The following FAM222B variants were observed in gnomAD, a reference collection of about 807,000 sequenced individuals.
FAM222B encodes family with sequence similarity 222 member B.
Under a neutral mutation model 38.0 loss-of-function variants are expected in FAM222B, and 12 were observed. The observed-to-expected ratio is 0.32, with a 90% CI of 0.20 to 0.51. The LOEUF (loss-of-function observed/expected upper bound fraction) is 0.51. Among genes scored for constraint, FAM222B ranks in the 20% least tolerant of loss-of-function variants. The pLI is 0.97. For missense variants in FAM222B, 716 were observed against 754.2 expected, an observed-to-expected ratio of 0.95 and a Z score of 0.59; for synonymous variants, 329 against 317.2, an observed-to-expected ratio of 1.04 and a Z score of -0.40.
intron 1 of FAM222B, among the ~76,000 whole-genome samples, chr17:28,832,021 C>T (rs2038685132): frequency 6.6e-6 from 1 of 151,988 alleles, no homozygotes; most frequent in African/African-American, 2.4e-5. Context: ...AACCCCGTCT[C>T]AACTAAAAAT....
intron 1 of FAM222B, among the ~76,000 whole-genome samples, chr17:28,836,601 G>A (rs1027303613): frequency 7.2e-5 from 11 of 152,184 alleles, no homozygotes; most frequent in African/African-American, 2.4e-4. Context: ...GGTCGTGATC[G>A]ATTGAGCAAG....
At position 28,759,353 on chromosome 17, in the gene FAM222B, C is replaced by T. The variant is rs746516661; in HGVS notation, c.606G>A (p.Met202Ile). 6.2e-7 allele frequency: 1 copy of T among 1,609,544 alleles called. No individual in the cohort carries two copies. The highest frequency in any genetic ancestry group is 1.1e-5 in the South Asian group (1 of 90,352). Residue 202 changes from methionine to isoleucine, a missense_variant, in exon 3 of 3, where the codon ATG becomes ATA. Coordinates refer to ENST00000581407, the MANE Select transcript of FAM222B (RefSeq NM_001077498.3). This position sits in a 1 kb window ranked among gnomAD's most constrained non-coding sequence, Gnocchi z 4.8. ...GGTGGACCAAGCCCTGGGTTTGGGC[C>T]ATGGGCTGAGGGTGGCCCAGGCCCT... ...QPQGLGHPQP[M>I]AQTQGLVHPQ... is the part of the protein sequence containing the mutation.
rs188755211 is a variant in FAM222B, at chr17:28,830,980, G to T, written c.-41+11702C>A. Among the ~76,000 whole-genome samples the T allele has an allele frequency of 6.5e-4, 94 of 145,450 alleles. 1 individual carries two copies. The East Asian group carries it at 0.019, about 29-fold the overall frequency. ...AATATCAATAGCCATACTTAATAGT[G>T]TGAATGTTTCTTTTTTTTTTTTTTT... On this transcript the variant is annotated intron_variant, in intron 1 of 2. Transcript: ENST00000581407.
At chr17:28,787,380 G>A (rs1046202656) in intron 1 of FAM222B, among the ~76,000 whole-genome samples, 3 of 152,186 alleles carry the variant, frequency 2.0e-5, no homozygotes, top group Non-Finnish European at 2.9e-5. Flanking sequence ...TATGGACCAT[G>A]AGGAATCCTG....
At chr17:28,799,839 C>T (rs1361865947) in intron 1 of FAM222B, among the ~76,000 whole-genome samples, 1 of 152,148 alleles carries the variant, frequency 6.6e-6, no homozygotes. Context: ...AACTCCTAGG[C>T]TCAGGAGATC....
chr17:28,758,331 T>G lies in FAM222B; in HGVS notation c.1628A>C (p.Asn543Thr), dbSNP rs534595595. The change falls in exon 3 of 3, where the codon AAC becomes ACC. Residue 543 changes from asparagine to threonine, a missense_variant. Asn to Thr is a moderately conservative substitution (Grantham distance 65). Coordinates refer to ENST00000581407, the MANE Select transcript of FAM222B (RefSeq NM_001077498.3). The stretch of plus-strand genomic sequence containing the variant: ...ACTCTCTGTGGGATCGGGGGCTCGG[T>G]TGCCAGGGGCTCGGTGGGCCTTGCT... ...MLSKAHRAPG[N>T]RAPDPTESRS... 4 of 1,611,352 alleles carry G rather than the reference T, an allele frequency of 2.5e-6. No individual in the cohort carries two copies. Among genetic ancestry groups the G allele is most frequent in the South Asian group, 1.1e-5 (1 of 90,852 alleles).
chr17:28,811,844 A>G (rs892467037), intron 1 of FAM222B, among the ~76,000 whole-genome samples: 23 of 152,170 alleles, frequency 1.5e-4, no homozygotes, highest in South Asian at 2.1e-4. Flanking sequence ...AATGGTGAAG[A>G]CAACCTTAAT....
At chr17:28,805,464 G>A (rs536779602) in intron 1 of FAM222B, among the ~76,000 whole-genome samples, 2 of 152,210 alleles carry the variant, frequency 1.3e-5, no homozygotes, top group African/African-American at 4.8e-5. Context: ...GAACCCAGGA[G>A]GTGGAGGTTA....
chr17:28,761,406 G>C (rs1489785573), intron 2 of FAM222B, among the ~76,000 whole-genome samples: 1 of 152,228 alleles, frequency 6.6e-6, no homozygotes, highest in Admixed American at 6.5e-5. Flanking sequence ...AGGAAGCCCA[G>C]GCTCAGCTAG....
At chr17:28,830,185 C>A (rs2038615709) in intron 1 of FAM222B, among the ~76,000 whole-genome samples, 1 of 105,990 alleles carries the variant, frequency 9.4e-6, no homozygotes, top group Non-Finnish European at 1.8e-5. Flanking sequence ...TTTTTGAGAG[C>A]GTGTCTCACT....
intron 1 of FAM222B, among the ~76,000 whole-genome samples, chr17:28,788,529 G>A (rs1900528527): frequency 1.3e-5 from 2 of 151,986 alleles, no homozygotes; most frequent in African/African-American, 4.8e-5. Context: ...ATGAGCCACC[G>A]CGTCCGGCCT....
chr17:28,824,440 AC>A (rs1309620358), intron 1 of FAM222B, among the ~76,000 whole-genome samples: 1 of 145,856 alleles, frequency 6.9e-6, no homozygotes. Flanking sequence ...CTTGTCTCAG[AC>A]CCCCAAAGTG....
chr17:28,773,339 G>A (rs1052969265), intron 1 of FAM222B, among the ~76,000 whole-genome samples: 2 of 151,534 alleles, frequency 1.3e-5, no homozygotes, highest in Non-Finnish European at 2.9e-5. Context: ...AAAATTAGCC[G>A]GGCGTGGTGG....
chr17:28,762,869 G>A (rs1168237749), intron 2 of FAM222B, among the ~76,000 whole-genome samples: 1 of 150,040 alleles, frequency 6.7e-6, no homozygotes, highest in African/African-American at 2.5e-5. Flanking sequence ...AACCCGGGAG[G>A]CAGGGTTGCA....
Position 28,766,724 on chromosome 17 carries a change from C to T in FAM222B, c.-40-17G>A. On this transcript the variant is annotated splice_polypyrimidine_tract_variant and intron_variant, in intron 1 of 2. Transcript: ENST00000581407. The stretch of plus-strand genomic sequence containing the variant: ...TGGCTCACACTGTAATGAACAAAAA[C>T]AAGGTCATGAAACACAAGGCAACTC... 7.1e-7 allele frequency: 1 copy of T among 1,409,622 alleles called. No homozygotes were observed. The highest frequency in any genetic ancestry group is 9.9e-7 in the Non-Finnish European group (1 of 1,015,118). 87.3% of individuals were successfully genotyped at this position (1,409,622 alleles called of 1,614,324 possible).
intron 1 of FAM222B, among the ~76,000 whole-genome samples, chr17:28,820,586 A>G (rs901314845): frequency 1.3e-5 from 2 of 152,180 alleles, no homozygotes; most frequent in Admixed American, 6.6e-5. Flanking sequence ...TGCAAGTACC[A>G]TAAGGTGGAA....
intron 1 of FAM222B, among the ~76,000 whole-genome samples, chr17:28,805,916 C>T (rs531665042): frequency 3.3e-5 from 5 of 152,022 alleles, no homozygotes; most frequent in Admixed American, 6.6e-5. Flanking sequence ...TGGAGGTGGG[C>T]GTATCACCTG....
chr17:28,771,603 C>T (rs2035636122), intron 1 of FAM222B, among the ~76,000 whole-genome samples: 1 of 152,022 alleles, frequency 6.6e-6, no homozygotes, highest in East Asian at 1.9e-4. Flanking sequence ...ATCGCTTGAA[C>T]CTGGGAGGCA....
At chr17:28,818,482 C>T (rs2038104295) in intron 1 of FAM222B, among the ~76,000 whole-genome samples, 2 of 150,768 alleles carry the variant, frequency 1.3e-5, no homozygotes, top group Non-Finnish European at 1.5e-5. Flanking sequence ...CAGCCGAGAT[C>T]GCGCCACTGC....
Sources: gnomAD v4.1 joint callset for allele counts (sites outside exome capture counted in the v4.1 genomes callset) on GRCh38, gnomAD v4.1.1 for gene constraint, Gnocchi (gnomAD v3.1) non-coding constraint, MANE v1.5 for transcripts, NCBI Gene and HGNC (gene_info 2026-07-23, HGNC 2026-07-21) for gene names.